DKKL1: variants seen among roughly 807,000 people sequenced by gnomAD.
DKKL1 encodes dickkopf like acrosomal protein 1.
In DKKL1, 11 loss-of-function variants were observed where a neutral mutation model predicts 16.5. The ratio of observed to expected loss-of-function variants is 0.67; its 90% CI spans 0.42 to 1.10. DKKL1 has a LOEUF of 1.10. Ranked by LOEUF, DKKL1 falls within the 50% of genes least tolerant of loss-of-function variation. The pLI is 0.00. For missense variants in DKKL1, 320 were observed against 308.1 expected, an observed-to-expected ratio of 1.04 and a Z score of -0.29; for synonymous variants, 119 against 133.2, an observed-to-expected ratio of 0.89 and a Z score of 0.73.
At chr19:49,363,163 A>G (rs1415582306), upstream of DKKL1, 2 of 151,966 alleles carry the variant, frequency 1.3e-5, no homozygotes, top group Non-Finnish European at 2.9e-5. Flanking sequence ...CTGAGGGAAG[A>G]TGGCTTAGGG....
chr19:49,362,652 G>A (rs1319001690), upstream of DKKL1, among the ~76,000 whole-genome samples: 1 of 151,860 alleles, frequency 6.6e-6, no homozygotes, highest in Non-Finnish European at 1.5e-5. Context: ...AGGCTGATAG[G>A]AGCCAGAAAC....
chr19:49,365,173 CAAAT>C (rs949930784), intron 2 of DKKL1, among the ~76,000 whole-genome samples: 1 of 151,684 alleles, frequency 6.6e-6, no homozygotes, highest in Non-Finnish European at 1.5e-5. Context: ...TGTCTCTAAA[CAAAT>C]AAATATATAC....
chr19:49,364,849 A>G, intron 2 of DKKL1, 95 bp downstream of exon 2: 1 of 1,462,772 alleles, frequency 6.8e-7, no homozygotes, highest in African/African-American at 1.4e-5. Flanking sequence ...GGGGACAGAC[A>G]GGATGAGAGG....
chr19:49,366,065 T>G (rs1265299025), intron 4 of DKKL1, among the ~76,000 whole-genome samples, 180 bp downstream of exon 4: 1 of 152,140 alleles, frequency 6.6e-6, no homozygotes, highest in African/African-American at 2.4e-5. Flanking sequence ...GTAGCTGGGA[T>G]TACAGGCACC....
intron 4 of DKKL1, chr19:49,369,100 T>C (rs1031534158): frequency 6.6e-6 from 1 of 152,232 alleles, no homozygotes; most frequent in African/African-American, 2.4e-5. Flanking sequence ...TTCCTGCCTT[T>C]CTTTGTTCAT....
At chr19:49,366,225 C>T (rs1973246348) in intron 4 of DKKL1, among the ~76,000 whole-genome samples, 1 of 152,124 alleles carries the variant, frequency 6.6e-6, no homozygotes, top group Non-Finnish European at 1.5e-5. Context: ...GCCACCATGC[C>T]TGGTGAGGCC....
chr19:49,370,381 T>C (rs1973431223), intron 4 of DKKL1: 1 of 148,096 alleles, frequency 6.8e-6, no homozygotes, highest in African/African-American at 2.5e-5. Context: ...GACAAACGCA[T>C]GAAAGAAAAA....
chr19:49,369,985 G>C (rs1973412865), intron 4 of DKKL1: 1 of 152,264 alleles, frequency 6.6e-6, no homozygotes, highest in Non-Finnish European at 1.5e-5. Flanking sequence ...GTGCACCCTG[G>C]CAGGTAGCCA....
At chr19:49,367,170 G>A (rs1973285284) in intron 4 of DKKL1, among the ~76,000 whole-genome samples, 1 of 151,920 alleles carries the variant, frequency 6.6e-6, no homozygotes, top group Non-Finnish European at 1.5e-5. Flanking sequence ...GGGACTACAA[G>A]TACGTGCCAC....
chr19:49,373,450 G>A (rs1160665341), intron 4 of DKKL1, among the ~76,000 whole-genome samples: 4 of 152,088 alleles, frequency 2.6e-5, no homozygotes, highest in Non-Finnish European at 5.9e-5. Context: ...TATGAATTTG[G>A]GGAGGAAACA....
chr19:49,362,323 A>C (rs1337172148), upstream of DKKL1: 1 of 151,640 alleles, frequency 6.6e-6, no homozygotes, highest in Non-Finnish European at 1.5e-5. Flanking sequence ...CCCCACCCCA[A>C]CTCACACACC....
chr19:49,362,935 G>GTTTTTTTTTTTTTTTTTTTTTTTT (rs1333841695), upstream of DKKL1: 1 of 80,176 alleles, frequency 1.2e-5, no homozygotes, highest in Non-Finnish European at 2.6e-5. Flanking sequence ...TGTTTTTTTT[G>GTTTTTTTTTTTTTTTTTTTTTTTT]TTTTTTTTTT....
chr19:49,365,780 C>G lies in DKKL1; in HGVS notation c.325-13C>G. ...AGCAGGTTTGCTCTCACTCTCTCAT[C>G]GGATCCTCACAGATGACCGACAACA... On this transcript the variant is annotated splice_polypyrimidine_tract_variant and intron_variant, in intron 3 of 4. Coordinates refer to ENST00000221498, the MANE Select transcript of DKKL1 (RefSeq NM_014419.4). 6.2e-7 allele frequency: 1 copy of G among 1,612,914 alleles called. No homozygotes were observed. The highest frequency in any genetic ancestry group is 8.5e-7 in the Non-Finnish European group (1 of 1,179,396).
upstream of DKKL1, chr19:49,363,624 TTCCAGGACTTGGTC>T (rs138393164): frequency 0.018 from 6,249 of 352,302 alleles, 334 homozygotes; most frequent in African/African-American, 0.12. Flanking sequence ...CCGCCAGGAC[TTCCAGGACTTGGTC>T]TCCAGGACTG....
At position 49,363,976 on chromosome 19, in the gene DKKL1, G is replaced by A; in HGVS notation, c.-23G>A. ...CGGGCTGTGGTCTAGCATAAAGGCG[G>A]AGCCCAGAAGAAGGGGCGGGGTATG... On this transcript the variant is annotated 5_prime_UTR_variant, in exon 1 of 5. Transcript: ENST00000221498. The A allele has an allele frequency of 1.9e-6, 3 of 1,613,072 alleles. No individual in the cohort carries two copies. The highest frequency in any genetic ancestry group is 2.5e-6 in the Non-Finnish European group (3 of 1,179,520).
At chr19:49,363,822 G>A (rs981587649), upstream of DKKL1, 2 of 896,636 alleles carry the variant, frequency 2.2e-6, no homozygotes, top group Non-Finnish European at 3.5e-6. Context: ...TTGGAGCGTG[G>A]TCAGACAATA....
intron 4 of DKKL1, among the ~76,000 whole-genome samples, chr19:49,374,146 G>A (rs1479589722): frequency 6.6e-6 from 1 of 151,918 alleles, no homozygotes. Flanking sequence ...AACCATGCCC[G>A]GCTAAATTTT....
intron 3 of DKKL1, 51 bp from the exon 4 acceptor site, chr19:49,365,742 G>A (rs376613215): frequency 6.2e-7 from 1 of 1,604,284 alleles, no homozygotes; most frequent in South Asian, 1.1e-5. Context: ...AGGGAAGGAG[G>A]GCGGAGGAGG....
chr19:49,364,775 G>A (rs1238946200), intron 2 of DKKL1, 21 bp downstream of exon 2: 8 of 1,607,038 alleles, frequency 5.0e-6, no homozygotes, highest in Non-Finnish European at 6.0e-6. Flanking sequence ...GCGGGGGGAT[G>A]GGGGAAGAAG....
Sources: allele counts gnomAD v4.1 joint callset (sites outside exome capture counted in the v4.1 genomes callset), GRCh38; gene constraint gnomAD v4.1.1; transcripts MANE v1.5; gene names NCBI Gene and HGNC (gene_info 2026-07-23, HGNC 2026-07-21).